RNF139: variants seen among roughly 807,000 people sequenced by gnomAD.
RNF139 encodes the protein ring finger protein 139.
RNF139 carries 15 observed loss-of-function variants against 49.5 expected under a neutral mutation model. The observed-to-expected ratio is 0.30, with a 90% CI of 0.20 to 0.47. The LOEUF (loss-of-function observed/expected upper bound fraction) is 0.47, where lower values mean the gene tolerates loss of function less well. RNF139 is among the 20% of genes least tolerant of loss of function. RNF139 has a pLI of 1.00. For synonymous variants in RNF139, 325 were observed against 300.9 expected, an observed-to-expected ratio of 1.08 and a Z score of -0.83; for missense variants, 619 against 806.3, an observed-to-expected ratio of 0.77 and a Z score of 2.81.
intron 1 of RNF139, among the ~76,000 whole-genome samples, 157 bp downstream of exon 1, chr8:124,475,447 A>G (rs996687040): frequency 6.6e-6 from 1 of 152,024 alleles, no homozygotes; most frequent in Non-Finnish European, 1.5e-5. Context: ...TGGGAGGGGG[A>G]AGGAGATGAT....
chr8:124,475,104 C>T lies in RNF139; in HGVS notation c.-6C>T, dbSNP rs777973116. On this transcript the variant is annotated 5_prime_UTR_variant, in exon 1 of 2. Coordinates refer to ENST00000303545, the MANE Select transcript of RNF139 (RefSeq NM_007218.4). ...GGCCCACCGAGCCCTGGTGTGGCAG[C>T]GGCTCATGGCGGCCGTGGGGCCCCC... 3.2e-6 allele frequency: 5 copies of T among 1,569,944 alleles called. No homozygotes were observed. The highest frequency in any genetic ancestry group is 4.3e-6 in the Non-Finnish European group (5 of 1,162,510).
rs950760350 is a variant in RNF139, at chr8:124,474,980, TGA to T, written c.-123_-122del. On this transcript the variant is annotated 5_prime_UTR_variant, in exon 1 of 2. Coordinates refer to ENST00000303545, the MANE Select transcript of RNF139 (RefSeq NM_007218.4). The surrounding 1 kb of genome is among the most constrained non-coding windows in gnomAD (Gnocchi z 4.6). ...CGCGAGCGGGCGGCGGGGCTGGCCG[TGA>T]GAGAGACAGGAGAGGAAGGAGGGCA... 2.9e-5 allele frequency: 15 copies of T among 518,738 alleles called. No individual in the cohort carries two copies. Among genetic ancestry groups the T allele is most frequent in the Non-Finnish European group, 3.7e-5 (13 of 351,128 alleles). The allele number at this position is 518,738 out of a possible 1,614,324, so 32.1% of individuals were successfully genotyped here.
chr8:124,475,628 T>C (rs1816301557), intron 1 of RNF139, among the ~76,000 whole-genome samples: 1 of 152,208 alleles, frequency 6.6e-6, no homozygotes, highest in Non-Finnish European at 1.5e-5. Flanking sequence ...AAAACAACTC[T>C]GCTATCCCAG....
Position 124,474,970 on chromosome 8 carries a change from G to T in RNF139, c.-140G>T. On this transcript the variant is annotated 5_prime_UTR_variant, in exon 1 of 2. Transcript: ENST00000303545. This position sits in a 1 kb window ranked among gnomAD's most constrained non-coding sequence, Gnocchi z 4.6. Reference sequence around the variant, plus strand: ...CCTCGAGGGACGCGAGCGGGCGGCGGGGCTGGCCGTGAGAGAGACAGGAGA... The same window carrying T: ...CCTCGAGGGACGCGAGCGGGCGGCGTGGCTGGCCGTGAGAGAGACAGGAGA... 2.1e-6 allele frequency: 1 copy of T among 474,958 alleles called. No individual in the cohort carries two copies. The allele number at this position is 474,958 out of a possible 1,614,324, so 29.4% of individuals were successfully genotyped here.
intron 1 of RNF139, among the ~76,000 whole-genome samples, chr8:124,484,784 G>C (rs1186774341): frequency 6.6e-6 from 1 of 152,160 alleles, no homozygotes; most frequent in Non-Finnish European, 1.5e-5. Flanking sequence ...CTAAAAACAT[G>C]TCTTGGTTTT....
chr8:124,486,788 C>T lies in RNF139; in HGVS notation c.1139C>T (p.Ala380Val). 3 of 1,613,826 alleles carry T rather than the reference C, an allele frequency of 1.9e-6. No homozygotes were observed. Among genetic ancestry groups the T allele is most frequent in the Non-Finnish European group, 1.7e-6 (2 of 1,179,974 alleles). Residue 380 changes from alanine to valine, a missense_variant, in exon 2 of 2, where the codon GCC becomes GTC. Ala to Val is a moderately conservative substitution (Grantham distance 64, BLOSUM62 0). This residue lies in a region of RNF139 where 530 missense variants were observed against 728.9 expected (regional missense o/e 0.73). Coordinates refer to ENST00000303545, the MANE Select transcript of RNF139 (RefSeq NM_007218.4). ...MTDPVLMSLS[A>V]SHVSSFRRHF... Reference sequence around the variant, plus strand: ...GACCCTGTATTAATGTCTCTCAGTGCCTCTCATGTGTCATCTTTTCGTAGA... The same window carrying T: ...GACCCTGTATTAATGTCTCTCAGTGTCTCTCATGTGTCATCTTTTCGTAGA...
At chr8:124,484,849 A>G (rs1308768705) in intron 1 of RNF139, among the ~76,000 whole-genome samples, 3 of 152,136 alleles carry the variant, frequency 2.0e-5, no homozygotes, top group Admixed American at 1.3e-4. Flanking sequence ...CTATTTTAAG[A>G]AACAGATTCA....
At chr8:124,481,623 ACT>A (rs1816410371) in intron 1 of RNF139, among the ~76,000 whole-genome samples, 1 of 151,928 alleles carries the variant, frequency 6.6e-6, no homozygotes, top group African/African-American at 2.4e-5. Context: ...ACTCTAGTGA[ACT>A]CTCTTAATCA....
chr8:124,486,464 A>C lies in RNF139; in HGVS notation c.815A>C (p.Asp272Ala). 6.2e-7 allele frequency: 1 copy of C among 1,614,084 alleles called. No homozygotes were observed. Among genetic ancestry groups the C allele is most frequent in the Non-Finnish European group, 8.5e-7 (1 of 1,180,002 alleles). Residue 272 changes from aspartate to alanine, a missense_variant, in exon 2 of 2, where the codon GAT becomes GCT. Asp to Ala is a moderately radical substitution (Grantham distance 126). This residue lies in a region of RNF139 where 530 missense variants were observed against 728.9 expected (regional missense o/e 0.73). Coordinates refer to ENST00000303545, the MANE Select transcript of RNF139 (RefSeq NM_007218.4). ...ETDSFFISWD[D>A]FWDLICNLII... is the part of the protein sequence containing the mutation. ...GATTCCTTCTTTATTTCTTGGGATG[A>C]TTTTTGGGACCTCATTTGCAATCTT... is the stretch of plus-strand genomic sequence containing the variant.
chr8:124,486,760 A>G lies in RNF139; in HGVS notation c.1111A>G (p.Thr371Ala). ...AGTCCTGCATTTTATCCATGGAATG[A>G]CAGACCCTGTATTAATGTCTCTCAG... ...TAVLHFIHGM[T>A]DPVLMSLSAS... The change falls in exon 2 of 2, where the codon ACA becomes GCA. Residue 371 changes from threonine to alanine, a missense_variant. Physicochemically the swap from Thr to Ala is moderately conservative, Grantham distance 58. This residue lies in a region of RNF139 where 530 missense variants were observed against 728.9 expected (regional missense o/e 0.73). Coordinates refer to ENST00000303545, the MANE Select transcript of RNF139 (RefSeq NM_007218.4). 3 of 1,614,012 alleles carry G rather than the reference A, an allele frequency of 1.9e-6. No individual in the cohort carries two copies. Among genetic ancestry groups the G allele is most frequent in the Non-Finnish European group, 2.5e-6 (3 of 1,179,986 alleles).
At position 124,486,673 on chromosome 8, in the gene RNF139, G is replaced by A; in HGVS notation, c.1024G>A (p.Gly342Arg). The change falls in exon 2 of 2, where the codon GGG becomes AGG. Residue 342 changes from glycine (G) to arginine (R), a missense_variant. By Grantham distance (125) the Gly-to-Arg change is moderately radical (BLOSUM62 -2). Transcript: ENST00000303545. ...FILALQTGLSGLRPEERLIRL... is the reference protein window; with the variant it reads ...FILALQTGLSRLRPEERLIRL... ...TTTGGCTCTTCAGACTGGGTTAAGT[G>A]GGCTAAGACCAGAAGAGAGACTTAT... is the stretch of plus-strand genomic sequence containing the variant. 2 of 1,614,076 alleles carry A rather than the reference G, an allele frequency of 1.2e-6. No individual in the cohort carries two copies. Among genetic ancestry groups the A allele is most frequent in the Non-Finnish European group, 1.7e-6 (2 of 1,180,010 alleles).
chr8:124,487,575 AAG>A lies in RNF139; in HGVS notation c.1930_1931del (p.Glu644LysfsTer13). 6.2e-7 allele frequency: 1 copy of A among 1,614,078 alleles called. No individual in the cohort carries two copies. Among genetic ancestry groups the A allele is most frequent in the Non-Finnish European group, 8.5e-7 (1 of 1,179,974 alleles). ...GTACAGATTGTGATGATGATGTTCA[AAG>A]AGAAAGAAATGGAGTGATTCAGCAC... ...DSTDCDDDVQ[R>X]ERNGVIQHTG... is the part of the protein sequence containing the mutation. On this transcript the variant is annotated frameshift_variant, in exon 2 of 2. Coordinates refer to ENST00000303545, the MANE Select transcript of RNF139 (RefSeq NM_007218.4). LOFTEE classifies it high-confidence loss of function.
chr8:124,478,776 A>G (rs1234808885), intron 1 of RNF139, among the ~76,000 whole-genome samples: 3 of 150,626 alleles, frequency 2.0e-5, no homozygotes, highest in East Asian at 2.0e-4. Context: ...CCGGAGTGCA[A>G]TGGCGTGATC....
rs148421184 is a variant in RNF139 at position 124,475,278 on chromosome 8, C to T, written c.169C>T (p.Leu57Phe). The stretch of plus-strand genomic sequence containing the variant: ...GTTCTGCATCGTGCTCCAGATCTTC[C>T]TCCGGCTCTTTGGTAAGGGAACAGG... ...SRFCIVLQIF[L>F]RLFGVFASSI... The change falls in exon 1 of 2, where the codon CTC (leucine) becomes TTC (phenylalanine). Residue 57 changes from leucine to phenylalanine, a missense_variant. Around this residue, in one of 2 missense-constraint regions of RNF139, gnomAD observed 89 missense variants for 77.5 expected, o/e 1.15. Transcript: ENST00000303545. The T allele has an allele frequency of 3.7e-6, 6 of 1,613,042 alleles. No individual in the cohort carries two copies. The African/African-American group carries it at 4.0e-5, about 11-fold the overall frequency.
intron 1 of RNF139, among the ~76,000 whole-genome samples, chr8:124,479,955 G>C (rs1406118751): frequency 6.6e-6 from 1 of 151,978 alleles, no homozygotes; most frequent in Non-Finnish European, 1.5e-5. Flanking sequence ...GTGAGACCCT[G>C]TCTCTGCAAA....
chr8:124,484,980 A>G (rs777159108), intron 1 of RNF139, among the ~76,000 whole-genome samples: 1 of 152,190 alleles, frequency 6.6e-6, no homozygotes, highest in Non-Finnish European at 1.5e-5. Flanking sequence ...AGGAAATAAG[A>G]GCTGGCATGA....
chr8:124,476,359 A>G (rs1362798714), intron 1 of RNF139, among the ~76,000 whole-genome samples: 1 of 152,168 alleles, frequency 6.6e-6, no homozygotes, highest in African/African-American at 2.4e-5. Context: ...AACATCCCCC[A>G]GAGGTGGGTG....
Position 124,485,916 on chromosome 8 carries a change from T to G in RNF139, c.267T>G (p.Ala89=). Residue 89 remains alanine (A), a synonymous_variant, in exon 2 of 2, where the codon GCT becomes GCG. Coordinates refer to ENST00000303545, the MANE Select transcript of RNF139 (RefSeq NM_007218.4). The stretch of plus-strand genomic sequence containing the variant: ...CGTACAGCTCAGCCTTTCTGTTAGC[T>G]GCAACTTCAGTGTTGGTGAATTATT... ...FYTYSSAFLL[A]ATSVLVNYYA... 1 of 1,614,202 alleles carries G rather than the reference T, an allele frequency of 6.2e-7. No individual in the cohort carries two copies. The highest frequency in any genetic ancestry group is 8.5e-7 in the Non-Finnish European group (1 of 1,180,014).
At position 124,475,776 on chromosome 8, in the gene RNF139, G is replaced by A. The variant is rs1816304005; in HGVS notation, c.181+486G>A. Reference sequence around the variant, plus strand: ...GGATCGTGAAGTGTCTGCAGTAAATGACATCCAAGCGAAGGAGACAGGGTT... The same window carrying A: ...GGATCGTGAAGTGTCTGCAGTAAATAACATCCAAGCGAAGGAGACAGGGTT... On this transcript the variant is annotated intron_variant, in intron 1 of 1. Transcript: ENST00000303545. Among the ~76,000 whole-genome samples the A allele has an allele frequency of 2.6e-5, 4 of 152,188 alleles. No homozygotes were observed. The South Asian group carries it at 6.2e-4, about 24-fold the overall frequency.
Sources: allele counts gnomAD v4.1 joint callset (sites outside exome capture counted in the v4.1 genomes callset), GRCh38; gene constraint gnomAD v4.1.1; regional missense constraint gnomAD v4.1.1; non-coding constraint Gnocchi (gnomAD v3.1); transcripts MANE v1.5; gene names NCBI Gene and HGNC (gene_info 2026-07-23, HGNC 2026-07-21).